The following CLSPN variants were observed in gnomAD, a reference collection of about 807,000 sequenced individuals.
The protein encoded by CLSPN is claspin homolog.
A neutral mutation model predicts 156.3 loss-of-function variants in CLSPN; 85 were observed. The ratio of observed to expected loss-of-function variants is 0.54; its 90% CI spans 0.46 to 0.65. The LOEUF (loss-of-function observed/expected upper bound fraction) is 0.65. Among genes scored for constraint, CLSPN ranks in the 30% least tolerant of loss-of-function variants. The pLI is 0.00. For missense variants in CLSPN, 1,407 were observed against 1,554.9 expected, an observed-to-expected ratio of 0.90 and a Z score of 1.60; for synonymous variants, 534 against 542.4, an observed-to-expected ratio of 0.98 and a Z score of 0.22.
In CLSPN at chr1:35,760,662, G is replaced by A; in HGVS notation, c.1259C>T (p.Pro420Leu). 1.2e-6 allele frequency: 2 copies of A among 1,614,140 alleles called. No individual in the cohort carries two copies. Among genetic ancestry groups the A allele is most frequent in the Non-Finnish European group, 1.7e-6 (2 of 1,180,020 alleles). ...CAACACTGAGCTGTCCCCAGGTGAA[G>A]GTCTAATGTCACTCTGCTTCTGTTT... ...QEKQKQSDIR[P>L]SPGDSSVLQQ... is the part of the protein sequence containing the mutation. Residue 420 changes from proline (P) to leucine (L), a missense_variant, in exon 8 of 25, where the codon CCT becomes CTT. Pro to Leu is a moderately conservative substitution (Grantham distance 98). This residue lies in a region of CLSPN where 1,096 missense variants were observed against 1,193.0 expected (regional missense o/e 0.92). Transcript: ENST00000318121.
At chr1:35,741,160 GA>G (rs951790359) in intron 18 of CLSPN, among the ~76,000 whole-genome samples, 12 of 149,194 alleles carry the variant, frequency 8.0e-5, no homozygotes, top group East Asian at 3.9e-4. Context: ...ATGCTAAGTA[GA>G]AAAAAAAAGA....
At position 35,746,281 on chromosome 1, in the gene CLSPN, AAAGT is replaced by A. The variant is rs1313306765; in HGVS notation, c.2854+481_2854+484del. ...TAAGTTGATACTTTACCACTCTAAG[AAAGT>A]AAGAGTTCTAAATATCAGGGCACTA... On this transcript the variant is annotated intron_variant, in intron 15 of 24. Coordinates refer to ENST00000318121, the MANE Select transcript of CLSPN (RefSeq NM_022111.4). The surrounding 1 kb of genome is among the most constrained non-coding windows in gnomAD (Gnocchi z 4.2). Among the ~76,000 whole-genome samples, 1 of 152,216 alleles carries A rather than the reference AAAGT, an allele frequency of 6.6e-6. No homozygotes were observed. Among genetic ancestry groups the A allele is most frequent in the African/African-American group, 2.4e-5 (1 of 41,456 alleles).
intron 22 of CLSPN, 84 bp downstream of exon 22, chr1:35,737,908 C>T (rs1641530838): frequency 1.6e-5 from 11 of 692,020 alleles, no homozygotes; most frequent in Non-Finnish European, 2.5e-5. Flanking sequence ...TAAGCTGCAA[C>T]AGCTCCTGAA....
intron 14 of CLSPN, among the ~76,000 whole-genome samples, chr1:35,747,482 T>C (rs747854010): frequency 3.3e-5 from 5 of 152,106 alleles, no homozygotes; most frequent in Non-Finnish European, 4.4e-5. Flanking sequence ...GGGAAAAGTT[T>C]TGTGAAAGAA....
At chr1:35,748,208 A>G (rs1304566399) in intron 13 of CLSPN, 147 bp from the exon 14 acceptor site, 1 of 994,304 alleles carries the variant, frequency 1.0e-6, no homozygotes, top group East Asian at 2.4e-5. Flanking sequence ...CATGAGAAGC[A>G]TAAAGAAAAA....
At position 35,739,358 on chromosome 1, in the gene CLSPN, T is replaced by C; in HGVS notation, c.3308+7A>G. ...TATTACTCAGAAGGGCTTATTGGGA[T>C]ACTGACATGTGTATTTTCTTGATTT... On this transcript the variant is annotated splice_region_variant and intron_variant, in intron 19 of 24. Transcript: ENST00000318121. The C allele has an allele frequency of 1.2e-6, 2 of 1,614,028 alleles. No individual in the cohort carries two copies. Among genetic ancestry groups the C allele is most frequent in the Non-Finnish European group, 1.7e-6 (2 of 1,179,930 alleles).
intron 8 of CLSPN, among the ~76,000 whole-genome samples, chr1:35,758,513 C>T (rs569381061): frequency 3.4e-3 from 511 of 152,040 alleles, no homozygotes; most frequent in Non-Finnish European, 5.9e-3. Flanking sequence ...GGTGTGGTGG[C>T]GGGTACCTGT....
rs1483541363 is a variant in CLSPN, at chr1:35,760,918, T to A, written c.1005-2A>T. The A allele has an allele frequency of 6.3e-7, 1 of 1,597,128 alleles. No homozygotes were observed. The highest frequency in any genetic ancestry group is 8.6e-7 in the Non-Finnish European group (1 of 1,168,552). On this transcript the variant is annotated splice_acceptor_variant, in intron 7 of 24. Coordinates refer to ENST00000318121, the MANE Select transcript of CLSPN (RefSeq NM_022111.4). LOFTEE classifies it high-confidence loss of function. ...TGGCTTGACTGATATTTAGATGACC[T>A]AGAGAAGAGAAATTGAGCTGGAGTT...
At chr1:35,738,134 A>G (rs1418471913) in intron 21 of CLSPN, 37 bp from the exon 22 acceptor site, 4 of 719,584 alleles carry the variant, frequency 5.6e-6, no homozygotes, top group East Asian at 6.8e-5. Flanking sequence ...ATATATATAT[A>G]TATATACAGC....
rs575801090 is a variant in CLSPN, at chr1:35,735,455, C to G, written c.*1041G>C. ...GGGCACAGTGGCTCACGCCTGTAAT[C>G]TCAGCACTTTGGGAGGCTGAGGCAG... On this transcript the variant is annotated 3_prime_UTR_variant, in exon 25 of 25. Coordinates refer to ENST00000318121, the MANE Select transcript of CLSPN (RefSeq NM_022111.4). 3.1e-6 allele frequency: 3 copies of G among 979,786 alleles called. No homozygotes were observed. The highest frequency in any genetic ancestry group is 2.3e-4 in the East Asian group (2 of 8,772). 60.7% of individuals were successfully genotyped at this position (979,786 alleles called of 1,614,324 possible).
Position 35,745,552 on chromosome 1 carries a change from AG to A in CLSPN, c.2864del (p.Thr955IlefsTer7). ...GTTTATTTAACTCTGATGAGGCTGG[AG>A]TGGAGGCATCTACATCACAACAAGG... ...SGKFTSQDAS[T>X]PASSELNKQE... On this transcript the variant is annotated frameshift_variant, in exon 16 of 25. Transcript: ENST00000318121. LOFTEE classifies it high-confidence loss of function. 6.2e-7 allele frequency: 1 copy of A among 1,610,522 alleles called. No individual in the cohort carries two copies. The highest frequency in any genetic ancestry group is 2.2e-5 in the East Asian group (1 of 44,862).
At chr1:35,723,156 G>A (rs768949209) in intron 24 of CLSPN, among the ~76,000 whole-genome samples, 5 of 152,176 alleles carry the variant, frequency 3.3e-5, no homozygotes, top group Non-Finnish European at 7.3e-5. Context: ...TTTCCAGTGA[G>A]GACACCAGAG....
chr1:35,720,996 A>T, intron 24 of CLSPN: 1 of 1,555,756 alleles, frequency 6.4e-7, no homozygotes, highest in Non-Finnish European at 8.8e-7. Flanking sequence ...ACGAAATTAA[A>T]GGAAGACGAG....
chr1:35,724,530 C>G (rs1435521949), intron 24 of CLSPN, among the ~76,000 whole-genome samples: 1 of 152,194 alleles, frequency 6.6e-6, no homozygotes, highest in Non-Finnish European at 1.5e-5. Flanking sequence ...AAAGCACGAT[C>G]CTGGATTACA....
chr1:35,741,790 T>C lies in CLSPN; in HGVS notation c.3143+1351A>G, dbSNP rs1438529999. 3.3e-5 allele frequency among the ~76,000 whole-genome samples: 5 copies of C among 150,864 alleles called. No homozygotes were observed. The East Asian group carries it at 1.0e-3, about 30-fold the overall frequency. On this transcript the variant is annotated intron_variant, in intron 18 of 24. Coordinates refer to ENST00000318121, the MANE Select transcript of CLSPN (RefSeq NM_022111.4). ...GAGATCGAGACCATCCTGACCAACA[T>C]GGTGAAACCCCGTCTCTACTAAATA...
intron 8 of CLSPN, among the ~76,000 whole-genome samples, chr1:35,758,475 T>A (rs933453373): frequency 6.6e-6 from 1 of 152,066 alleles, no homozygotes; most frequent in African/African-American, 2.4e-5. Context: ...TGAAACCCTG[T>A]CTCTACTAAA....
intron 1 of CLSPN, 59 bp downstream of exon 1, chr1:35,769,788 C>G (rs1642804624): frequency 6.5e-7 from 1 of 1,544,420 alleles, no homozygotes; most frequent in East Asian, 2.5e-5. Context: ...CCCGGCCCCA[C>G]CTAACCTCTC....
intron 1 of CLSPN, among the ~76,000 whole-genome samples, chr1:35,765,658 T>G (rs947853739): frequency 2.6e-5 from 4 of 152,144 alleles, no homozygotes; most frequent in African/African-American, 9.7e-5. Context: ...TAGAGAAATA[T>G]CCTAATGAAT....
Position 35,741,973 on chromosome 1 carries a change from C to CAAAAAA in CLSPN, c.3143+1162_3143+1167dup, listed in dbSNP as rs767602385. ...TGGGCGACAGAGCGAGACTCCGTCT[C>CAAAAAA]AAAAAAAAAAAAAAAAAAAAAAAAA... On this transcript the variant is annotated intron_variant, in intron 18 of 24. Transcript: ENST00000318121. Among the ~76,000 whole-genome samples, 13 of 55,664 alleles carry CAAAAAA rather than the reference C, an allele frequency of 2.3e-4. 1 individual carries two copies. Among genetic ancestry groups the CAAAAAA allele is most frequent in the East Asian group, 1.4e-3 (2 of 1,434 alleles). 36.5% of individuals were successfully genotyped at this position (55,664 alleles called of 152,430 possible). A position where few individuals can be genotyped will look rare whatever the true frequency, so the allele number is the denominator to read the frequency against.
Sources: allele counts gnomAD v4.1 joint callset (sites outside exome capture counted in the v4.1 genomes callset), GRCh38; gene constraint gnomAD v4.1.1; regional missense constraint gnomAD v4.1.1; non-coding constraint Gnocchi (gnomAD v3.1); transcripts MANE v1.5; gene names NCBI Gene and HGNC (gene_info 2026-07-23, HGNC 2026-07-21).